PDE7A: variants seen among roughly 807,000 people sequenced by gnomAD.
PDE7A encodes the protein phosphodiesterase 7A.
In PDE7A, 39 loss-of-function variants were observed where a neutral mutation model predicts 64.3. That is an observed-to-expected ratio of 0.61 (90% CI 0.47 to 0.79). The LOEUF (loss-of-function observed/expected upper bound fraction) is 0.79. Ranked by LOEUF, PDE7A falls within the 30% of genes least tolerant of loss-of-function variation. The pLI, the probability that PDE7A is intolerant of heterozygous loss-of-function variation, is 0.00. For synonymous variants in PDE7A, 203 were observed against 206.8 expected, an observed-to-expected ratio of 0.98 and a Z score of 0.16; for missense variants, 470 against 582.8, an observed-to-expected ratio of 0.81 and a Z score of 1.99.
intron 3 of PDE7A, among the ~76,000 whole-genome samples, chr8:65,754,583 G>A (rs1226097439): frequency 3.3e-5 from 5 of 151,200 alleles, no homozygotes; most frequent in South Asian, 2.1e-4. Context: ...TGATCCGCCC[G>A]CCTCGGCCTC....
intron 1 of PDE7A, among the ~76,000 whole-genome samples, chr8:65,833,150 C>T (rs1363572911): frequency 6.6e-6 from 1 of 152,152 alleles, no homozygotes; most frequent in Non-Finnish European, 1.5e-5. Context: ...ACATGGCAGT[C>T]CTTTAAATCC....
intron 5 of PDE7A, among the ~76,000 whole-genome samples, chr8:65,741,306 G>A (rs576429512): frequency 1.2e-4 from 18 of 151,962 alleles, no homozygotes; most frequent in African/African-American, 3.4e-4. Context: ...GTATTCTCTC[G>A]TCTATGATGA....
intron 1 of PDE7A, among the ~76,000 whole-genome samples, chr8:65,817,452 C>CT (rs570858780): frequency 3.8e-3 from 571 of 151,844 alleles, no homozygotes; most frequent in Non-Finnish European, 5.9e-3. Flanking sequence ...AAAATATAGA[C>CT]TTTATTTGTC....
At chr8:65,740,332 T>G (rs1437886073) in intron 5 of PDE7A, among the ~76,000 whole-genome samples, 1 of 152,166 alleles carries the variant, frequency 6.6e-6, no homozygotes, top group African/African-American at 2.4e-5. Context: ...TTCAACATAC[T>G]TAGTTCCCAT....
intron 1 of PDE7A, among the ~76,000 whole-genome samples, chr8:65,804,540 C>CT (rs762379703): frequency 0.27 from 30,632 of 112,958 alleles, 5,436 homozygotes; most frequent in African/African-American, 0.5. Flanking sequence ...CATTTTGTTG[C>CT]TTTTTTTTTT....
rs745762754 is a variant in PDE7A, at chr8:65,747,804, C to T, written c.284-1G>A. 6.3e-7 allele frequency: 1 copy of T among 1,596,302 alleles called. No individual in the cohort carries two copies. Among genetic ancestry groups the T allele is most frequent in the South Asian group, 1.1e-5 (1 of 88,618 alleles). On this transcript the variant is annotated splice_acceptor_variant, in intron 3 of 12. Transcript: ENST00000401827. LOFTEE classifies it high-confidence loss of function. ...ACAGACACTTCAATTTCAGATTGAG[C>T]TGAAATAAAAAGAATAAAAGGTAAG...
chr8:65,822,008 T>C (rs892522470), intron 1 of PDE7A, among the ~76,000 whole-genome samples: 4 of 152,218 alleles, frequency 2.6e-5, no homozygotes, highest in Non-Finnish European at 4.4e-5. Flanking sequence ...CACTGCCTTT[T>C]GGCTTAGTAC....
chr8:65,743,110 T>C (rs1292334072), intron 5 of PDE7A, among the ~76,000 whole-genome samples: 1 of 151,930 alleles, frequency 6.6e-6, no homozygotes, highest in East Asian at 1.9e-4. Context: ...AGTAGACTAA[T>C]AATAGGCTAT....
At chr8:65,839,895 T>C (rs1022759892) in intron 1 of PDE7A, among the ~76,000 whole-genome samples, 2 of 152,230 alleles carry the variant, frequency 1.3e-5, no homozygotes, top group Non-Finnish European at 2.9e-5. Context: ...TCATGTTTTA[T>C]AATTGTATAA....
intron 3 of PDE7A, among the ~76,000 whole-genome samples, chr8:65,760,049 G>A (rs143170896): frequency 0.039 from 5,974 of 152,204 alleles, 171 homozygotes; most frequent in Non-Finnish European, 0.06. Context: ...AGACTAGCCT[G>A]GCTAATATGG....
intron 1 of PDE7A, among the ~76,000 whole-genome samples, chr8:65,796,333 GA>G (rs1455710717): frequency 1.3e-5 from 2 of 151,864 alleles, no homozygotes; most frequent in East Asian, 3.9e-4. Flanking sequence ...AAAACACAAA[GA>G]AAACTATACC....
At chr8:65,798,208 T>TA (rs1282422397) in intron 1 of PDE7A, among the ~76,000 whole-genome samples, 767 of 106,316 alleles carry the variant, frequency 7.2e-3, no homozygotes, top group Non-Finnish European at 0.011. Context: ...ATATATATAT[T>TA]TTTTTTTTTT....
At chr8:65,733,372 C>G (rs1211579673) in intron 7 of PDE7A, among the ~76,000 whole-genome samples, 1 of 152,140 alleles carries the variant, frequency 6.6e-6, no homozygotes, top group Non-Finnish European at 1.5e-5. Flanking sequence ...TTTCCACTTA[C>G]CAGATTGTAT....
Position 65,841,293 on chromosome 8 carries a change from T to C in PDE7A, c.138+78A>G, listed in dbSNP as rs957082630. 18 of 1,383,266 alleles carry C rather than the reference T, an allele frequency of 1.3e-5. No individual in the cohort carries two copies. The African/African-American group carries it at 2.1e-4, about 16-fold the overall frequency. The allele number at this position is 1,383,266 out of a possible 1,614,324, so 85.7% of individuals were successfully genotyped here. On this transcript the variant is annotated intron_variant, in intron 1 of 12. Transcript: ENST00000401827. ...TGGACAATGCGCGGGCTGGGGGTTG[T>C]AGAGGAGGTGAAGCTGGGTGGGCAG...
At position 65,726,964 on chromosome 8, in the gene PDE7A, A is replaced by G. The variant is rs1030536572; in HGVS notation, c.831T>C (p.Asn277=). The G allele has an allele frequency of 5.1e-6, 8 of 1,565,036 alleles. No individual in the cohort carries two copies. Among genetic ancestry groups the G allele is most frequent in the Non-Finnish European group, 7.0e-6 (8 of 1,136,656 alleles). Reference sequence around the variant, plus strand: ...AGTGGTGATTTTCCAGTACTGAGGTATTCTACAACAAAGGACGTTTCTGAG... The same window carrying G: ...AGTGGTGATTTTCCAGTACTGAGGTGTTCTACAACAAAGGACGTTTCTGAG... ...TNHYLATLYK[N]TSVLENHHWR... The change falls in exon 9 of 13, where the codon AAT becomes AAC. Residue 277 remains asparagine, a splice_region_variant and synonymous_variant. Coordinates refer to ENST00000401827, the MANE Select transcript of PDE7A (RefSeq NM_001242318.3).
At chr8:65,782,982 G>T in intron 1 of PDE7A, 139 bp from the exon 2 acceptor site, 1 of 598,436 alleles carries the variant, frequency 1.7e-6, no homozygotes, top group Non-Finnish European at 3.0e-6. Flanking sequence ...AATTAGCTAT[G>T]GTACCTGTTC....
chr8:65,755,336 A>T (rs1410030156), intron 3 of PDE7A, among the ~76,000 whole-genome samples: 1 of 152,092 alleles, frequency 6.6e-6, no homozygotes, highest in African/African-American at 2.4e-5. Flanking sequence ...TTGCCTTTTT[A>T]AAATTTAGGT....
chr8:65,758,338 A>T (rs1477922663), intron 3 of PDE7A, among the ~76,000 whole-genome samples: 1 of 152,260 alleles, frequency 6.6e-6, no homozygotes, highest in Admixed American at 6.5e-5. Flanking sequence ...CCTTGTTTCC[A>T]GCACTTGTAG....
chr8:65,759,094 C>T (rs1381428707), intron 3 of PDE7A, among the ~76,000 whole-genome samples: 1 of 152,222 alleles, frequency 6.6e-6, no homozygotes, highest in Admixed American at 6.5e-5. Flanking sequence ...GGGAGGCACA[C>T]GGGGATACTT....
Sources: gnomAD v4.1 joint callset for allele counts (sites outside exome capture counted in the v4.1 genomes callset) on GRCh38, gnomAD v4.1.1 for gene constraint, MANE v1.5 for transcripts, NCBI Gene and HGNC (gene_info 2026-07-23, HGNC 2026-07-21) for gene names.